Variants in C9orf153 observed in about 807,000 individuals in gnomAD.
C9orf153 encodes the protein uncharacterized protein C9orf153.
Under a neutral mutation model 9.0 loss-of-function variants are expected in C9orf153, and 10 were observed. The observed-to-expected ratio is 1.11, with a 90% CI of 0.69 to 1.89. The LOEUF is 1.89. Ranked by LOEUF, C9orf153 falls within the 40% of genes most tolerant of loss-of-function variation. C9orf153 has a pLI of 0.00. For synonymous variants in C9orf153, 35 were observed against 37.3 expected, an observed-to-expected ratio of 0.94 and a Z score of 0.23; for missense variants, 108 against 111.0, an observed-to-expected ratio of 0.97 and a Z score of 0.12.
At chr9:86,222,242 G>A (rs1235669853) in intron 3 of C9orf153, among the ~76,000 whole-genome samples, 2 of 152,078 alleles carry the variant, frequency 1.3e-5, no homozygotes, top group Non-Finnish European at 2.9e-5. Context: ...TGTAAAGCCT[G>A]CCCCTAAACA....
chr9:86,227,066 C>A (rs1194424323), intron 3 of C9orf153, among the ~76,000 whole-genome samples: 1 of 152,122 alleles, frequency 6.6e-6, no homozygotes, highest in Non-Finnish European at 1.5e-5. Context: ...ATGCCTGGCC[C>A]AACAATATAT....
At chr9:86,259,248 T>C (rs979283273) in intron 1 of C9orf153, among the ~76,000 whole-genome samples, 1 of 152,012 alleles carries the variant, frequency 6.6e-6, no homozygotes, top group African/African-American at 2.4e-5. Flanking sequence ...ATGAAGGCAC[T>C]GAGGTTGGGG....
intron 1 of C9orf153, among the ~76,000 whole-genome samples, chr9:86,230,364 C>T (rs558320353): frequency 1.0e-3 from 159 of 152,316 alleles, no homozygotes; most frequent in Non-Finnish European, 2.0e-3. Flanking sequence ...TGCAATGGCA[C>T]GATCTTGGCT....
intron 1 of C9orf153, among the ~76,000 whole-genome samples, chr9:86,232,316 C>G (rs796729936): frequency 2.3e-4 from 35 of 152,336 alleles, no homozygotes; most frequent in African/African-American, 7.9e-4. Context: ...TAAAGGTTGA[C>G]TTGACTAGCA....
Position 86,240,515 on chromosome 9 carries a change from C to T in C9orf153, c.-26-10886G>A, listed in dbSNP as rs11141312. 1.3e-4 allele frequency among the ~76,000 whole-genome samples: 20 copies of T among 151,112 alleles called. 1 individual carries two copies. The highest frequency in any genetic ancestry group is 4.9e-4 in the African/African-American group (20 of 41,214). ...ACCTCAGCCTCTCAGGTAGCTGGGA[C>T]TACAGGCACACACCACCACGCCCGG... On this transcript the variant is annotated intron_variant, in intron 1 of 3. Transcript: ENST00000339137.
intron 1 of C9orf153, among the ~76,000 whole-genome samples, chr9:86,247,096 T>C (rs1490170129): frequency 6.6e-6 from 1 of 152,188 alleles, no homozygotes; most frequent in Admixed American, 6.5e-5. Flanking sequence ...GGACATCTGG[T>C]AGGACTACAC....
At chr9:86,252,349 G>A (rs191500716) in intron 1 of C9orf153, among the ~76,000 whole-genome samples, 43 of 152,152 alleles carry the variant, frequency 2.8e-4, no homozygotes, top group African/African-American at 1.0e-3. Flanking sequence ...TTTGGCTTTT[G>A]ATTGTTTGGA....
At chr9:86,230,668 C>T (rs1824450175) in intron 1 of C9orf153, among the ~76,000 whole-genome samples, 1 of 152,180 alleles carries the variant, frequency 6.6e-6, no homozygotes, top group Admixed American at 6.5e-5. Context: ...AAAACTCACC[C>T]ACCTCCTTAC....
intron 1 of C9orf153, among the ~76,000 whole-genome samples, chr9:86,245,369 T>C (rs1168491710): frequency 6.6e-6 from 1 of 152,198 alleles, no homozygotes; most frequent in African/African-American, 2.4e-5. Flanking sequence ...AAGCCTTTCA[T>C]CTTGTAAAAC....
intron 1 of C9orf153, among the ~76,000 whole-genome samples, chr9:86,257,869 C>T (rs1388291088): frequency 6.6e-6 from 1 of 152,118 alleles, no homozygotes; most frequent in Non-Finnish European, 1.5e-5. Context: ...TGACAGTGTC[C>T]TGTCACGATG....
At chr9:86,223,068 T>C (rs1262066927) in intron 3 of C9orf153, among the ~76,000 whole-genome samples, 1 of 152,142 alleles carries the variant, frequency 6.6e-6, no homozygotes, top group African/African-American at 2.4e-5. Context: ...TGTTCAGCAG[T>C]CCATTCATAA....
intron 1 of C9orf153, among the ~76,000 whole-genome samples, chr9:86,242,283 G>C (rs1456238450): frequency 6.6e-6 from 1 of 152,118 alleles, no homozygotes; most frequent in East Asian, 1.9e-4. Flanking sequence ...AGAGAGCCCT[G>C]CCTTCTTAGA....
At chr9:86,244,536 T>C (rs1824822605) in intron 1 of C9orf153, among the ~76,000 whole-genome samples, 1 of 152,154 alleles carries the variant, frequency 6.6e-6, no homozygotes, top group Non-Finnish European at 1.5e-5. Flanking sequence ...TAAAAACCAA[T>C]GCCTAAATAG....
intron 1 of C9orf153, among the ~76,000 whole-genome samples, chr9:86,241,413 A>G (rs760031930): frequency 6.6e-5 from 10 of 152,134 alleles, no homozygotes; most frequent in Admixed American, 1.3e-4. Context: ...TGCTAAGAAT[A>G]GCTTTGGTTG....
chr9:86,221,758 A>G (rs1407166465), intron 3 of C9orf153, 25 bp from the exon 4 acceptor site: 1 of 1,472,204 alleles, frequency 6.8e-7, no homozygotes, highest in Admixed American at 2.0e-5. Flanking sequence ...ATTTTCAAAG[A>G]ATCACATGGT....
At chr9:86,240,362 T>G (rs921100553) in intron 1 of C9orf153, among the ~76,000 whole-genome samples, 1 of 150,806 alleles carries the variant, frequency 6.6e-6, no homozygotes, top group Non-Finnish European at 1.5e-5. Context: ...CAATTTAATT[T>G]GCTTTCTTCT....
At chr9:86,241,842 T>A (rs949652401) in intron 1 of C9orf153, among the ~76,000 whole-genome samples, 1 of 152,156 alleles carries the variant, frequency 6.6e-6, no homozygotes, top group Admixed American at 6.5e-5. Context: ...GTCAGGCTGG[T>A]CTTGAACTCC....
intron 1 of C9orf153, among the ~76,000 whole-genome samples, chr9:86,233,248 G>A (rs1824509844): frequency 6.6e-6 from 1 of 151,862 alleles, no homozygotes; most frequent in Non-Finnish European, 1.5e-5. Flanking sequence ...ACTAACCCTG[G>A]ACTCTTGTCT....
At chr9:86,235,583 T>C (rs1360265146) in intron 1 of C9orf153, among the ~76,000 whole-genome samples, 1 of 151,584 alleles carries the variant, frequency 6.6e-6, no homozygotes, top group Non-Finnish European at 1.5e-5. Flanking sequence ...GGTGAAACCC[T>C]AGCTCTACTA....
Sources: gnomAD v4.1 joint callset for allele counts (sites outside exome capture counted in the v4.1 genomes callset) on GRCh38, gnomAD v4.1.1 for gene constraint, MANE v1.5 for transcripts, NCBI Gene and HGNC (gene_info 2026-07-23, HGNC 2026-07-21) for gene names.